Variants in FOXP4 observed in about 807,000 individuals in gnomAD.
FOXP4 encodes the protein forkhead box P4.
FOXP4 carries 25 observed loss-of-function variants against 82.6 expected under a neutral mutation model. That is an observed-to-expected ratio of 0.30 (90% CI 0.22 to 0.42). The LOEUF is 0.42. Among genes scored for constraint, FOXP4 ranks in the 10% least tolerant of loss-of-function variants. FOXP4 has a pLI of 1.00. For missense variants in FOXP4, 785 were observed against 900.9 expected, an observed-to-expected ratio of 0.87 and a Z score of 1.65; for synonymous variants, 415 against 388.2, an observed-to-expected ratio of 1.07 and a Z score of -0.81.
At chr6:41,548,519 G>T (rs1763799264) in intron 1 of FOXP4, 2 of 152,408 alleles carry the variant, frequency 1.3e-5, no homozygotes, top group African/African-American at 4.8e-5. Flanking sequence ...AGTGCCCGCA[G>T]AAAGAAAGAG....
intron 5 of FOXP4, among the ~76,000 whole-genome samples, chr6:41,586,720 AGCGGAAGGAGGGAG>A (rs1408303575): frequency 6.6e-6 from 1 of 152,224 alleles, no homozygotes; most frequent in Non-Finnish European, 1.5e-5. Flanking sequence ...GAGCTGAAGC[AGCGGAAGGAGGGAG>A]GCGGGAGGAG....
intron 2 of FOXP4, among the ~76,000 whole-genome samples, chr6:41,572,365 T>G (rs1260065763): frequency 6.6e-6 from 1 of 152,148 alleles, no homozygotes; most frequent in Non-Finnish European, 1.5e-5. Context: ...TTTGCATGTC[T>G]CTTTGTGTAG....
intron 3 of FOXP4, among the ~76,000 whole-genome samples, chr6:41,581,333 T>C (rs1765789206): frequency 1.3e-5 from 2 of 152,216 alleles, no homozygotes; most frequent in Non-Finnish European, 2.9e-5. Flanking sequence ...ATAAGCTTCC[T>C]GTGTGTCAGG....
At chr6:41,597,318 C>T in intron 15 of FOXP4, 76 bp downstream of exon 15, 1 of 1,477,996 alleles carries the variant, frequency 6.8e-7, no homozygotes, top group Non-Finnish European at 9.4e-7. Flanking sequence ...CCCCCATCCT[C>T]CCCTGCAGAG....
At chr6:41,582,750 T>C (rs1765872449) in intron 3 of FOXP4, among the ~76,000 whole-genome samples, 1 of 152,178 alleles carries the variant, frequency 6.6e-6, no homozygotes, top group Non-Finnish European at 1.5e-5. Flanking sequence ...CCCTGCAGCC[T>C]GGCTTTCAGA....
At chr6:41,567,039 C>T (rs931856084) in intron 2 of FOXP4, among the ~76,000 whole-genome samples, 5 of 152,234 alleles carry the variant, frequency 3.3e-5, no homozygotes, top group African/African-American at 1.2e-4. Context: ...TTCCTTGGAG[C>T]CAGAAGTCAG....
intron 3 of FOXP4, among the ~76,000 whole-genome samples, chr6:41,578,291 T>G (rs1765607757): frequency 6.6e-6 from 1 of 152,222 alleles, no homozygotes. Flanking sequence ...GACCTTCCGC[T>G]AGCTTAGCCT....
chr6:41,587,212 G>T, intron 6 of FOXP4, 56 bp downstream of exon 6: 1 of 1,607,794 alleles, frequency 6.2e-7, no homozygotes, highest in South Asian at 1.1e-5. Context: ...CTGCCTGTAC[G>T]CAACAGCTGG....
chr6:41,551,585 C>T (rs933709303), intron 1 of FOXP4, among the ~76,000 whole-genome samples: 2 of 152,180 alleles, frequency 1.3e-5, no homozygotes, highest in African/African-American at 4.8e-5. Flanking sequence ...TGTTTCCTTT[C>T]CTGCTGCAGT....
At chr6:41,597,693 C>G (rs1766932864) in intron 15 of FOXP4, 88 bp from the exon 16 acceptor site, 58 of 1,481,714 alleles carry the variant, frequency 3.9e-5, no homozygotes, top group Non-Finnish European at 5.2e-5. Flanking sequence ...ACAGGCAGCT[C>G]TCTAGTGGGC....
chr6:41,562,614 G>A (rs1234505021), intron 1 of FOXP4, among the ~76,000 whole-genome samples: 3 of 152,150 alleles, frequency 2.0e-5, no homozygotes, highest in African/African-American at 7.2e-5. Context: ...TTGGAAGGGG[G>A]CCACTCTCCC....
At position 41,597,222 on chromosome 6, in the gene FOXP4, G is replaced by T; in HGVS notation, c.1705G>T (p.Ala569Ser). 6.2e-7 allele frequency: 1 copy of T among 1,614,188 alleles called. No individual in the cohort carries two copies. The highest frequency in any genetic ancestry group is 8.5e-7 in the Non-Finnish European group (1 of 1,180,038). The stretch of plus-strand genomic sequence containing the variant: ...CATGATCTCTGGCCTCAGCTATGGA[G>T]CACTTAATGCCAGCTACCAGGTGAC... ...KNMISGLSYG[A>S]LNASYQAALA... is the part of the protein sequence containing the mutation. The change falls in exon 15 of 17, where the codon GCA becomes TCA. Residue 569 changes from alanine (A) to serine (S), a missense_variant. Around this residue, in one of 3 missense-constraint regions of FOXP4, gnomAD observed 184 missense variants for 187.3 expected, o/e 0.98. Transcript: ENST00000307972.
At chr6:41,564,280 A>G (rs942627039) in intron 1 of FOXP4, among the ~76,000 whole-genome samples, 1 of 152,072 alleles carries the variant, frequency 6.6e-6, no homozygotes, top group Non-Finnish European at 1.5e-5. Context: ...ATCTCTACTA[A>G]TGGTGTTGCG....
At chr6:41,569,905 C>T (rs1031966785) in intron 2 of FOXP4, among the ~76,000 whole-genome samples, 1 of 151,940 alleles carries the variant, frequency 6.6e-6, no homozygotes, top group Non-Finnish European at 1.5e-5. Flanking sequence ...CTCACCCCCC[C>T]TTCAAAGAGA....
intron 4 of FOXP4, 112 bp downstream of exon 4, chr6:41,585,003 C>A: frequency 7.2e-7 from 1 of 1,382,990 alleles, no homozygotes; most frequent in Non-Finnish European, 9.6e-7. Context: ...AGAGAGACTG[C>A]TCAGGCCAGA....
chr6:41,565,422 A>G (rs927883570), intron 1 of FOXP4, among the ~76,000 whole-genome samples: 1 of 152,196 alleles, frequency 6.6e-6, no homozygotes, highest in Non-Finnish European at 1.5e-5. Context: ...ATTATTATAA[A>G]CAGTGCAAAA....
intron 2 of FOXP4, among the ~76,000 whole-genome samples, chr6:41,577,420 TGACCACCCA>T (rs1419109274): frequency 6.6e-6 from 1 of 152,176 alleles, no homozygotes; most frequent in East Asian, 1.9e-4. Flanking sequence ...GCCCCCAGAC[TGACCACCCA>T]GTAAGGCAGT....
chr6:41,553,062 G>C (rs906239284), intron 1 of FOXP4, among the ~76,000 whole-genome samples: 1 of 152,110 alleles, frequency 6.6e-6, no homozygotes, highest in South Asian at 2.1e-4. Context: ...AGGTCTCAAC[G>C]TACACCCTCT....
At position 41,589,761 on chromosome 6, in the gene FOXP4, C is replaced by T. The variant is rs753820641; in HGVS notation, c.1066-10C>T. 6.2e-7 allele frequency: 1 copy of T among 1,610,280 alleles called. No individual in the cohort carries two copies. The highest frequency in any genetic ancestry group is 1.1e-5 in the South Asian group (1 of 91,026). On this transcript the variant is annotated splice_polypyrimidine_tract_variant and intron_variant, in intron 9 of 16. Coordinates refer to ENST00000307972, the MANE Select transcript of FOXP4 (RefSeq NM_001012426.2). ...CTCCCGCTCACCTCCTGCTTTGCCA[C>T]CCTCCACAGCTCGCCAAGGAGAGCG...
Sources: allele counts gnomAD v4.1 joint callset (sites outside exome capture counted in the v4.1 genomes callset), GRCh38; gene constraint gnomAD v4.1.1; regional missense constraint gnomAD v4.1.1; transcripts MANE v1.5; gene names NCBI Gene and HGNC (gene_info 2026-07-23, HGNC 2026-07-21).